Variants in CTPS2 observed in about 807,000 individuals in gnomAD.
CTPS2 encodes the protein CTP synthase 2.
In CTPS2, 19 loss-of-function variants were observed where a neutral mutation model predicts 46.8. The observed-to-expected ratio is 0.41, with a 90% CI of 0.28 to 0.60. The LOEUF (loss-of-function observed/expected upper bound fraction) is 0.60, where lower values mean the gene tolerates loss of function less well. Among genes scored for constraint, CTPS2 ranks in the 20% least tolerant of loss-of-function variants. The pLI is 0.35. For synonymous variants in CTPS2, 151 were observed against 165.2 expected (o/e 0.91, Z 0.66); for missense variants, 286 against 447.6 (o/e 0.64, Z 3.26).
intron 13 of CTPS2, among the ~76,000 whole-genome samples, chrX:16,663,572 T>C (rs1188964060): frequency 8.9e-6 from 1 of 111,863 alleles, no homozygotes. Flanking sequence ...TCCTGTAGTT[T>C]CAGCTACTTG....
rs890350321 is a variant in CTPS2, at chrX:16,647,297, C to T, written c.1297-8054G>A. ...TTTTTTTTTTTTTGAGACAAAGTTT[C>T]GCTCTTATTGCCCAGGCTGGAGTGT... On this transcript the variant is annotated intron_variant, in intron 13 of 18. Transcript: ENST00000359276. Among the ~76,000 whole-genome samples, 10 of 58,269 alleles carry T rather than the reference C, an allele frequency of 1.7e-4. No homozygotes were observed. The East Asian group carries it at 1.9e-3, about 11-fold the overall frequency. The allele number at this position is 58,269 out of a possible 115,157, so 50.6% of individuals were successfully genotyped here.
At chrX:16,674,161 T>G (rs1306942887) in intron 10 of CTPS2, among the ~76,000 whole-genome samples, 1 of 110,827 alleles carries the variant, frequency 9.0e-6, no homozygotes, top group Non-Finnish European at 1.9e-5. Flanking sequence ...GATTGTTTTT[T>G]GCTGTTTTGT....
chrX:16,699,026 CA>C lies in CTPS2; in HGVS notation c.233del (p.Leu78TrpfsTer20). The C allele has an allele frequency of 8.4e-7, 1 of 1,184,373 alleles. No individual in the cohort carries two copies. On this transcript the variant is annotated frameshift_variant, in exon 3 of 19. Transcript: ENST00000359276. LOFTEE classifies it high-confidence loss of function. ...DLDLGNYERF[L>X]DINLYKDNNI... ...TGTTGTCTTTATAAAGATTAATATC[CA>C]AAAATCTTTCATAATTTCCAAGGTC...
At chrX:16,593,233 T>G (rs1475233962) in intron 17 of CTPS2, among the ~76,000 whole-genome samples, 1 of 110,750 alleles carries the variant, frequency 9.0e-6, no homozygotes, top group East Asian at 2.8e-4. Flanking sequence ...ATCGAGATCA[T>G]CCTGGCTAAC....
At chrX:16,593,155 T>C (rs1484667360) in intron 17 of CTPS2, among the ~76,000 whole-genome samples, 1 of 111,965 alleles carries the variant, frequency 8.9e-6, no homozygotes, top group African/African-American at 3.2e-5. Flanking sequence ...CCCAGCCAGG[T>C]GCGGTGGCTC....
rs183308602 is a variant in CTPS2, at chrX:16,619,796, C to T, written c.1449+481G>A. Among the ~76,000 whole-genome samples the T allele has an allele frequency of 1.7e-4, 19 of 111,626 alleles. 1 individual carries two copies. The highest frequency in any genetic ancestry group is 1.1e-3 in the East Asian group (4 of 3,541). ...CAATTAACTCCTTTTAGTCATGTGACGCTAAGCCTCAAGCTTAATGTAAAT... is the reference window on the plus strand; with the variant it reads ...CAATTAACTCCTTTTAGTCATGTGATGCTAAGCCTCAAGCTTAATGTAAAT... On this transcript the variant is annotated intron_variant, in intron 15 of 18. Transcript: ENST00000359276.
chrX:16,598,422 A>G (rs1318919499), intron 17 of CTPS2, among the ~76,000 whole-genome samples: 87 of 112,107 alleles, frequency 7.8e-4, no homozygotes, highest in Non-Finnish European at 1.5e-3. Context: ...AGAGATTACT[A>G]CAAACACCTC....
chrX:16,601,605 T>G (rs1929674944), intron 17 of CTPS2, among the ~76,000 whole-genome samples: 5 of 100,353 alleles, frequency 5.0e-5, no homozygotes, highest in African/African-American at 7.2e-5. Context: ...CAAAATAATG[T>G]GGGGAGATCA....
intron 16 of CTPS2, among the ~76,000 whole-genome samples, chrX:16,613,209 C>T (rs1930350417): frequency 8.9e-6 from 1 of 112,257 alleles, no homozygotes; most frequent in Non-Finnish European, 1.9e-5. Flanking sequence ...AGCATATAGG[C>T]TGGAAATGCA....
At chrX:16,621,475 T>TAAA (rs1555958048) in intron 14 of CTPS2, among the ~76,000 whole-genome samples, 1 of 107,333 alleles carries the variant, frequency 9.3e-6, no homozygotes, top group African/African-American at 3.4e-5. Flanking sequence ...ATAATAATAA[T>TAAA]AAAAAGAATG....
rs896795921 is a variant in CTPS2 at position 16,670,592 on chromosome X, T to C, written c.1177A>G (p.Ile393Val). ...ACATGAGTTTTACCCAGAAAAGGAA[T>C]CTTCTTTGTCCTTGCCCAAGAAATC... Reference protein sequence around the residue: ...QAISWARTKKIPFLGVCLGMQ... With the variant: ...QAISWARTKKVPFLGVCLGMQ... The change falls in exon 11 of 19, where the codon ATT becomes GTT. Residue 393 changes from isoleucine to valine, a missense_variant. Coordinates refer to ENST00000359276, the MANE Select transcript of CTPS2 (RefSeq NM_175859.3). 8.3e-7 allele frequency: 1 copy of C among 1,199,326 alleles called. No individual in the cohort carries two copies. The highest frequency in any genetic ancestry group is 1.8e-5 in the African/African-American group (1 of 56,875).
At chrX:16,711,168 T>C (rs952733798) in intron 1 of CTPS2, among the ~76,000 whole-genome samples, 4 of 112,420 alleles carry the variant, frequency 3.6e-5, no homozygotes, top group African/African-American at 6.5e-5. Context: ...CTAGTAGCCA[T>C]ATTAAAAAAG....
At chrX:16,595,162 T>TACACACACACACACAC (rs10643985) in intron 17 of CTPS2, among the ~76,000 whole-genome samples, 3 of 102,703 alleles carry the variant, frequency 2.9e-5, no homozygotes, top group African/African-American at 1.1e-4. Flanking sequence ...AGCAATCTTT[T>TACACACACACACACAC]ACACACACAC....
chrX:16,664,034 C>A (rs1303021332), intron 13 of CTPS2, among the ~76,000 whole-genome samples: 1 of 111,358 alleles, frequency 9.0e-6, no homozygotes, highest in African/African-American at 3.3e-5. Flanking sequence ...GACAAAGTTT[C>A]ACCATGTTAG....
At position 16,617,255 on chromosome X, in the gene CTPS2, C is replaced by T. The variant is rs765200500; in HGVS notation, c.1450-9G>A. 3 of 1,182,171 alleles carry T rather than the reference C, an allele frequency of 2.5e-6. No individual in the cohort carries two copies. The highest frequency in any genetic ancestry group is 4.7e-4 in the Middle Eastern group (2 of 4,266). On this transcript the variant is annotated splice_polypyrimidine_tract_variant and intron_variant, in intron 15 of 18. Transcript: ENST00000359276. The stretch of plus-strand genomic sequence containing the variant: ...ATCAGGTTAGGGTTTACCTGCAAAA[C>T]AAGAAATTAAGTGTTTATGGGCCAC...
chrX:16,672,098 G>C (rs983909497), intron 10 of CTPS2, among the ~76,000 whole-genome samples: 1 of 111,115 alleles, frequency 9.0e-6, no homozygotes, highest in African/African-American at 3.3e-5. Context: ...GGGGTTAGAG[G>C]CCTCTCTCAG....
intron 17 of CTPS2, among the ~76,000 whole-genome samples, chrX:16,606,940 C>T (rs937453096): frequency 5.4e-5 from 6 of 112,110 alleles, no homozygotes; most frequent in African/African-American, 1.6e-4. Flanking sequence ...TTAGTAGATA[C>T]GGGGTTTCAC....
chrX:16,663,223 C>G, intron 13 of CTPS2, among the ~76,000 whole-genome samples: 1 of 111,834 alleles, frequency 8.9e-6, no homozygotes, highest in Middle Eastern at 4.6e-3. Flanking sequence ...TCACAGCTCA[C>G]TGCAGCTCAA....
chrX:16,609,888 C>T (rs897137286), intron 16 of CTPS2, among the ~76,000 whole-genome samples: 2 of 112,069 alleles, frequency 1.8e-5, no homozygotes, highest in Non-Finnish European at 3.8e-5. Flanking sequence ...ATTTTATGTG[C>T]GGAAGGTGTC....
Sources: gnomAD v4.1 joint callset for allele counts (sites outside exome capture counted in the v4.1 genomes callset) on GRCh38, gnomAD v4.1.1 for gene constraint, MANE v1.5 for transcripts, NCBI Gene and HGNC (gene_info 2026-07-23, HGNC 2026-07-21) for gene names.